The following SLC30A8 variants were observed in gnomAD, a reference collection of about 807,000 sequenced individuals.
SLC30A8 encodes solute carrier family 30 member 8.
In SLC30A8, 27 loss-of-function variants were observed where a neutral mutation model predicts 36.9. The observed-to-expected ratio is 0.73, with a 90% CI of 0.54 to 1.01. The LOEUF (loss-of-function observed/expected upper bound fraction) is 1.01, where lower values mean the gene tolerates loss of function less well. SLC30A8 is among the 50% of genes least tolerant of loss of function. The pLI is 0.00. For synonymous variants in SLC30A8, 164 were observed against 172.4 expected, an observed-to-expected ratio of 0.95 and a Z score of 0.38; for missense variants, 439 against 452.0, an observed-to-expected ratio of 0.97 and a Z score of 0.26.
At chr8:116,975,579 G>A (rs1309781557) in intron 1 of SLC30A8, among the ~76,000 whole-genome samples, 1 of 152,158 alleles carries the variant, frequency 6.6e-6, no homozygotes, top group East Asian at 1.9e-4. Flanking sequence ...ATGACGTAGA[G>A]GACAGACCAC....
chr8:117,031,121 C>A (rs920695490), intron 1 of SLC30A8, among the ~76,000 whole-genome samples: 2 of 152,156 alleles, frequency 1.3e-5, no homozygotes, highest in African/African-American at 2.4e-5. Flanking sequence ...TAGTTTTTCC[C>A]AAGTATCAGA....
chr8:116,994,842 G>A (rs1315783892), intron 1 of SLC30A8, among the ~76,000 whole-genome samples: 1 of 152,104 alleles, frequency 6.6e-6, no homozygotes, highest in Non-Finnish European at 1.5e-5. Context: ...GAGGCATGGA[G>A]AAATGACTTG....
chr8:117,146,763 T>G, intron 1 of SLC30A8, 191 bp from the exon 2 acceptor site: 1 of 1,373,256 alleles, frequency 7.3e-7, no homozygotes, highest in Non-Finnish European at 9.5e-7. Context: ...CTTTTAGTAG[T>G]TGAAGTTTAG....
chr8:117,083,715 G>T (rs1818754750), intron 2 of SLC30A8, among the ~76,000 whole-genome samples: 1 of 152,160 alleles, frequency 6.6e-6, no homozygotes, highest in African/African-American at 2.4e-5. Flanking sequence ...GGCAAAGAAT[G>T]TTACAATCTG....
At chr8:117,171,923 A>G (rs899617905) in intron 7 of SLC30A8, among the ~76,000 whole-genome samples, 9 of 152,232 alleles carry the variant, frequency 5.9e-5, no homozygotes, top group African/African-American at 2.2e-4. Context: ...AGACATCGTC[A>G]TCTTCTCGAA....
At chr8:117,033,452 T>C (rs79309635) in intron 1 of SLC30A8, among the ~76,000 whole-genome samples, 5,919 of 152,314 alleles carry the variant, frequency 0.039, 147 homozygotes, top group South Asian at 0.075. Flanking sequence ...AGATTGGTGG[T>C]TGCCAGACAG....
chr8:117,133,472 A>C (rs889100716), upstream of SLC30A8, among the ~76,000 whole-genome samples: 2 of 152,006 alleles, frequency 1.3e-5, no homozygotes, highest in African/African-American at 4.8e-5. Context: ...CGCATGGAGG[A>C]ATCTCAAACT....
chr8:117,011,137 G>T (rs2130704593), intron 1 of SLC30A8, among the ~76,000 whole-genome samples: 1 of 152,310 alleles, frequency 6.6e-6, no homozygotes. Flanking sequence ...CTCATAGGGA[G>T]AAATAGCCAT....
At chr8:117,088,037 GGA>G (rs1249628629) in intron 2 of SLC30A8, among the ~76,000 whole-genome samples, 1 of 151,830 alleles carries the variant, frequency 6.6e-6, no homozygotes, top group Non-Finnish European at 1.5e-5. Flanking sequence ...ATGATTGAAT[GGA>G]GAGAGGGAAG....
chr8:117,126,030 T>C (rs1321304642), intron 2 of SLC30A8, among the ~76,000 whole-genome samples: 1 of 152,026 alleles, frequency 6.6e-6, no homozygotes, highest in East Asian at 1.9e-4. Flanking sequence ...AGCTGTGTTT[T>C]CCCCCCTCGA....
At chr8:117,031,681 C>T (rs933516037) in intron 1 of SLC30A8, among the ~76,000 whole-genome samples, 2 of 152,116 alleles carry the variant, frequency 1.3e-5, no homozygotes, top group African/African-American at 4.8e-5. Context: ...TTAGGCTGGT[C>T]TCAAACCCCT....
intron 2 of SLC30A8, among the ~76,000 whole-genome samples, chr8:117,128,765 A>C (rs1049804601): frequency 3.3e-5 from 5 of 152,114 alleles, no homozygotes; most frequent in African/African-American, 1.2e-4. Context: ...ATACTTGGGA[A>C]GTGTTTCCTT....
At chr8:116,967,413 G>A (rs1814633748) in intron 1 of SLC30A8, among the ~76,000 whole-genome samples, 1 of 152,168 alleles carries the variant, frequency 6.6e-6, no homozygotes, top group Non-Finnish European at 1.5e-5. Flanking sequence ...GTCCAATAAT[G>A]TATTTTTTTC....
At chr8:117,138,060 C>CAAAAAAAAAAAAAAAAA (rs60065374) in intron 1 of SLC30A8, among the ~76,000 whole-genome samples, 26 of 49,660 alleles carry the variant, frequency 5.2e-4, no homozygotes, top group Non-Finnish European at 7.7e-4. Context: ...TTCATTGTAG[C>CAAAAAAAAAAAAAAAAA]AAAAAAAAAA....
chr8:117,011,684 G>T (rs1161324210), intron 1 of SLC30A8, among the ~76,000 whole-genome samples: 4 of 152,140 alleles, frequency 2.6e-5, no homozygotes, highest in African/African-American at 9.7e-5. Flanking sequence ...GAAGCCAGGG[G>T]TGATGTTGGA....
At chr8:116,986,298 C>T (rs759624193) in intron 1 of SLC30A8, among the ~76,000 whole-genome samples, 2 of 152,052 alleles carry the variant, frequency 1.3e-5, no homozygotes, top group African/African-American at 2.4e-5. Context: ...GCATTGTGTT[C>T]ATTGACCGGT....
At chr8:116,984,220 A>G (rs1374457808) in intron 1 of SLC30A8, among the ~76,000 whole-genome samples, 5 of 152,122 alleles carry the variant, frequency 3.3e-5, no homozygotes, top group African/African-American at 1.2e-4. Flanking sequence ...ATGAAATGAC[A>G]TTAGGATTGT....
intron 2 of SLC30A8, among the ~76,000 whole-genome samples, chr8:117,073,524 T>A (rs183057538): frequency 9.8e-4 from 149 of 152,316 alleles, no homozygotes; most frequent in African/African-American, 3.3e-3. Flanking sequence ...CCTCCCAAAG[T>A]GCTGGGATTA....
chr8:117,154,363 C>T (rs1822364683), intron 3 of SLC30A8, among the ~76,000 whole-genome samples: 1 of 152,096 alleles, frequency 6.6e-6, no homozygotes, highest in Non-Finnish European at 1.5e-5. Flanking sequence ...AACAAATAGC[C>T]ACAATTCCAC....
Sources: gnomAD v4.1 joint callset for allele counts (sites outside exome capture counted in the v4.1 genomes callset) on GRCh38, gnomAD v4.1.1 for gene constraint, MANE v1.5 for transcripts, NCBI Gene and HGNC (gene_info 2026-07-23, HGNC 2026-07-21) for gene names.